The following SLC2A13 variants were observed in gnomAD, a reference collection of about 807,000 sequenced individuals.
SLC2A13 encodes proton myo-inositol cotransporter.
A neutral mutation model predicts 64.4 loss-of-function variants in SLC2A13; 32 were observed. The observed-to-expected ratio is 0.50, with a 90% confidence interval of 0.37 to 0.67. SLC2A13 has a LOEUF of 0.67. SLC2A13 is among the 30% of genes least tolerant of loss of function. SLC2A13 has a pLI of 0.00. For synonymous variants in SLC2A13, 338 were observed against 327.1 expected (o/e 1.03, Z -0.36); for missense variants, 743 against 829.2 (o/e 0.90, Z 1.28).
chr12:39,979,152 C>G (rs1171456745), intron 3 of SLC2A13, among the ~76,000 whole-genome samples: 1 of 148,886 alleles, frequency 6.7e-6, no homozygotes, highest in African/African-American at 2.5e-5. Flanking sequence ...GAAAGGACAT[C>G]CACACCAAAA....
intron 4 of SLC2A13, among the ~76,000 whole-genome samples, chr12:39,948,508 A>C (rs1362906782): frequency 6.6e-6 from 1 of 152,144 alleles, no homozygotes; most frequent in Non-Finnish European, 1.5e-5. Flanking sequence ...AACTAAACAC[A>C]GTAAGATTAT....
intron 4 of SLC2A13, among the ~76,000 whole-genome samples, chr12:39,876,068 A>G (rs1438432974): frequency 6.6e-6 from 1 of 152,216 alleles, no homozygotes; most frequent in Non-Finnish European, 1.5e-5. Flanking sequence ...CTATCAGACA[A>G]ACTATCATCT....
At chr12:39,891,818 C>T (rs1565523112) in intron 4 of SLC2A13, among the ~76,000 whole-genome samples, 1 of 152,240 alleles carries the variant, frequency 6.6e-6, no homozygotes, top group East Asian at 1.9e-4. Flanking sequence ...ACAGTCTTTT[C>T]CAGGCATTCA....
intron 3 of SLC2A13, among the ~76,000 whole-genome samples, chr12:39,986,326 G>T (rs1442706734): frequency 6.6e-6 from 1 of 151,986 alleles, no homozygotes; most frequent in African/African-American, 2.4e-5. Context: ...ACATATTCTG[G>T]AGATACTGAT....
At chr12:39,985,113 T>C (rs2136156249) in intron 3 of SLC2A13, among the ~76,000 whole-genome samples, 1 of 152,296 alleles carries the variant, frequency 6.6e-6, no homozygotes, top group South Asian at 2.1e-4. Context: ...ATGGTTAATG[T>C]TCACAATCTG....
chr12:40,008,974 C>T (rs10747971), intron 3 of SLC2A13, among the ~76,000 whole-genome samples: 76,978 of 152,068 alleles, frequency 0.51, 19,881 homozygotes, highest in African/African-American at 0.56. Flanking sequence ...TGGAATATCA[C>T]AGAGAAGTTT....
chr12:39,910,359 G>A (rs1188370891), intron 4 of SLC2A13, among the ~76,000 whole-genome samples: 1 of 152,046 alleles, frequency 6.6e-6, no homozygotes, highest in Non-Finnish European at 1.5e-5. Context: ...AACCACCTAT[G>A]TGGTAAAGTT....
chr12:39,848,263 A>G (rs1486032232), intron 6 of SLC2A13, among the ~76,000 whole-genome samples: 1 of 152,194 alleles, frequency 6.6e-6, no homozygotes, highest in African/African-American at 2.4e-5. Flanking sequence ...GTGAAAAAAC[A>G]TTTACAAACT....
At chr12:40,025,979 T>A (rs1947797847) in intron 3 of SLC2A13, among the ~76,000 whole-genome samples, 1 of 152,210 alleles carries the variant, frequency 6.6e-6, no homozygotes, top group Admixed American at 6.5e-5. Context: ...CTCCTGGACA[T>A]TACAATACTG....
At chr12:39,972,215 A>G (rs1946676123) in intron 3 of SLC2A13, among the ~76,000 whole-genome samples, 2 of 151,532 alleles carry the variant, frequency 1.3e-5, no homozygotes, top group African/African-American at 4.8e-5. Flanking sequence ...GTCAATTGTT[A>G]TCTCTAAGAA....
At chr12:40,067,563 A>G (rs1022869936) in intron 1 of SLC2A13, among the ~76,000 whole-genome samples, 8 of 152,170 alleles carry the variant, frequency 5.3e-5, no homozygotes, top group African/African-American at 1.9e-4. Context: ...TTATACAGAC[A>G]TGCTAATTCT....
At position 40,049,558 on chromosome 12, in the gene SLC2A13, G is replaced by T. The variant is rs540936045; in HGVS notation, c.557-1348C>A. Among the ~76,000 whole-genome samples, 162 of 152,146 alleles carry T rather than the reference G, an allele frequency of 1.1e-3. 1 individual carries two copies. Among genetic ancestry groups the T allele is most frequent in the African/African-American group, 3.6e-3 (148 of 41,514 alleles). The stretch of plus-strand genomic sequence containing the variant: ...TAGTTGATGGCTATTATAAATTGCA[G>T]CTTTTTTTCATTTCCCTTTTTATGT... On this transcript the variant is annotated intron_variant, in intron 1 of 9. Transcript: ENST00000280871.
chr12:39,817,560 C>A (rs1407706192), intron 7 of SLC2A13, among the ~76,000 whole-genome samples: 3 of 152,158 alleles, frequency 2.0e-5, no homozygotes, highest in African/African-American at 7.2e-5. Flanking sequence ...AGAAAGGCAA[C>A]TGATGGCAGC....
At chr12:39,822,000 T>C (rs1187276024) in intron 7 of SLC2A13, among the ~76,000 whole-genome samples, 1 of 151,956 alleles carries the variant, frequency 6.6e-6, no homozygotes, top group African/African-American at 2.4e-5. Flanking sequence ...ACATGTGACA[T>C]GCTGGTGCGC....
intron 7 of SLC2A13, among the ~76,000 whole-genome samples, chr12:39,824,620 C>T (rs996961228): frequency 6.6e-6 from 1 of 152,106 alleles, no homozygotes; most frequent in African/African-American, 2.4e-5. Flanking sequence ...CTGGAAATCT[C>T]CAGGCCAGGT....
At chr12:39,766,677 T>C (rs1940361303) in intron 7 of SLC2A13, among the ~76,000 whole-genome samples, 1 of 152,106 alleles carries the variant, frequency 6.6e-6, no homozygotes, top group Non-Finnish European at 1.5e-5. Flanking sequence ...TGCTACTGCT[T>C]TGTCAACTAA....
intron 6 of SLC2A13, among the ~76,000 whole-genome samples, chr12:39,844,560 A>G (rs1943258207): frequency 6.6e-6 from 1 of 152,114 alleles, no homozygotes; most frequent in Non-Finnish European, 1.5e-5. Flanking sequence ...TTCATAACAT[A>G]TAAAATATAA....
chr12:39,897,740 T>C (rs1470989593), intron 4 of SLC2A13, among the ~76,000 whole-genome samples: 4 of 152,146 alleles, frequency 2.6e-5, no homozygotes, highest in South Asian at 2.1e-4. Flanking sequence ...TAGAGAAACT[T>C]AGAAAACAAA....
At chr12:39,846,501 G>A (rs1943318073) in intron 6 of SLC2A13, among the ~76,000 whole-genome samples, 1 of 152,178 alleles carries the variant, frequency 6.6e-6, no homozygotes, top group Non-Finnish European at 1.5e-5. Flanking sequence ...CACCCAGGGT[G>A]GGTGCAGTGG....
Sources: allele counts gnomAD v4.1 joint callset (sites outside exome capture counted in the v4.1 genomes callset), GRCh38; gene constraint gnomAD v4.1.1; transcripts MANE v1.5; gene names NCBI Gene and HGNC (gene_info 2026-07-23, HGNC 2026-07-21).